ADK: variants seen among roughly 807,000 people sequenced by gnomAD.
ADK encodes N6,N6-dimethyladenosine kinase.
ADK carries 24 observed loss-of-function variants against 44.7 expected under a neutral mutation model. The ratio of observed to expected loss-of-function variants is 0.54; its 90% CI spans 0.39 to 0.76. The LOEUF is 0.76. ADK is among the 30% of genes least tolerant of loss of function. The pLI, the probability that ADK is intolerant of heterozygous loss-of-function variation, is 0.00. For missense variants in ADK, 321 were observed against 425.1 expected, an observed-to-expected ratio of 0.76 and a Z score of 2.15; for synonymous variants, 128 against 142.6, an observed-to-expected ratio of 0.90 and a Z score of 0.73.
chr10:74,425,136 A>G (rs867151916), intron 6 of ADK, among the ~76,000 whole-genome samples: 1 of 152,192 alleles, frequency 6.6e-6, no homozygotes, highest in Non-Finnish European at 1.5e-5. Flanking sequence ...GAATCTGCCA[A>G]AAGCCTGGGG....
chr10:74,586,500 A>C (rs1238818800), intron 7 of ADK, among the ~76,000 whole-genome samples: 1 of 152,168 alleles, frequency 6.6e-6, no homozygotes, highest in African/African-American at 2.4e-5. Context: ...ACATTTATAT[A>C]TGTGTCTTCT....
At chr10:74,303,516 T>C (rs1840131080) in intron 3 of ADK, among the ~76,000 whole-genome samples, 1 of 151,592 alleles carries the variant, frequency 6.6e-6, no homozygotes, top group Non-Finnish European at 1.5e-5. Context: ...TGGTTTTCTT[T>C]ATTTGTAGTA....
At chr10:74,530,128 C>T (rs946318552) in intron 7 of ADK, among the ~76,000 whole-genome samples, 2 of 151,922 alleles carry the variant, frequency 1.3e-5, no homozygotes, top group African/African-American at 2.4e-5. Flanking sequence ...AAAATTATAT[C>T]GTATTTGATT....
chr10:74,399,585 A>G (rs1164615248), intron 6 of ADK, among the ~76,000 whole-genome samples: 2 of 151,974 alleles, frequency 1.3e-5, no homozygotes, highest in Non-Finnish European at 2.9e-5. Context: ...AGTATGTGAG[A>G]AAAACATTTC....
At chr10:74,289,729 T>G (rs1847332401) in intron 3 of ADK, among the ~76,000 whole-genome samples, 2 of 152,092 alleles carry the variant, frequency 1.3e-5, no homozygotes, top group Admixed American at 1.3e-4. Context: ...TAAGAAAATT[T>G]CTCTCAGTTT....
At chr10:74,531,476 C>A (rs971633416) in intron 7 of ADK, among the ~76,000 whole-genome samples, 2 of 151,822 alleles carry the variant, frequency 1.3e-5, no homozygotes, top group Non-Finnish European at 2.9e-5. Flanking sequence ...TAGTTAAAAC[C>A]CTTGCTACAA....
intron 6 of ADK, among the ~76,000 whole-genome samples, chr10:74,409,062 A>C (rs1035548552): frequency 6.6e-6 from 1 of 152,214 alleles, no homozygotes; most frequent in African/African-American, 2.4e-5. Context: ...CTTAAAAATA[A>C]ATGTGAAAGC....
chr10:74,480,812 C>A (rs1302567093), intron 6 of ADK, among the ~76,000 whole-genome samples: 1 of 152,108 alleles, frequency 6.6e-6, no homozygotes, highest in Non-Finnish European at 1.5e-5. Flanking sequence ...TGCTTTTACA[C>A]CAGCAGCACA....
At chr10:74,673,994 G>C (rs1303164348) in intron 10 of ADK, among the ~76,000 whole-genome samples, 1 of 152,090 alleles carries the variant, frequency 6.6e-6, no homozygotes, top group Non-Finnish European at 1.5e-5. Flanking sequence ...TTCTTTCTCT[G>C]TTGGCTGAGC....
chr10:74,661,759 C>T (rs1358223030), intron 9 of ADK, among the ~76,000 whole-genome samples: 1 of 152,204 alleles, frequency 6.6e-6, no homozygotes, highest in Non-Finnish European at 1.5e-5. Flanking sequence ...AAAGCATCTC[C>T]AGTTAAACTA....
chr10:74,471,635 A>G (rs1301638096), intron 6 of ADK, among the ~76,000 whole-genome samples: 10 of 152,214 alleles, frequency 6.6e-5, no homozygotes, highest in Admixed American at 5.2e-4. Flanking sequence ...GTTCCAATCC[A>G]TGAACACAGG....
At chr10:74,475,261 T>G (rs75661936) in intron 6 of ADK, among the ~76,000 whole-genome samples, 7,210 of 152,276 alleles carry the variant, frequency 0.047, 595 homozygotes, top group African/African-American at 0.16. Flanking sequence ...ACTACTCAAA[T>G]TCGAGATTTA....
intron 10 of ADK, among the ~76,000 whole-genome samples, chr10:74,699,618 A>G (rs1856344834): frequency 6.6e-6 from 1 of 152,230 alleles, no homozygotes; most frequent in Admixed American, 6.5e-5. Flanking sequence ...CGGAGGTTGC[A>G]GTGAGCCAAG....
intron 2 of ADK, among the ~76,000 whole-genome samples, chr10:74,217,179 T>A (rs796257108): frequency 1.1e-4 from 16 of 152,350 alleles, no homozygotes; most frequent in African/African-American, 3.8e-4. Context: ...TACTGCACTT[T>A]TCCGACGGGC....
intron 2 of ADK, among the ~76,000 whole-genome samples, chr10:74,223,351 C>T (rs969030997): frequency 1.2e-4 from 18 of 152,128 alleles, no homozygotes; most frequent in Admixed American, 2.0e-4. Flanking sequence ...CTCTCATGAT[C>T]CAATTACTTC....
At chr10:74,462,711 T>C (rs1185271940) in intron 6 of ADK, among the ~76,000 whole-genome samples, 1 of 152,228 alleles carries the variant, frequency 6.6e-6, no homozygotes, top group Non-Finnish European at 1.5e-5. Flanking sequence ...TGAATTATTC[T>C]TGTTAACTAT....
At chr10:74,689,103 G>T (rs1418138459) in intron 10 of ADK, among the ~76,000 whole-genome samples, 3 of 151,914 alleles carry the variant, frequency 2.0e-5, no homozygotes, top group Non-Finnish European at 4.4e-5. Flanking sequence ...CAAAAAATTA[G>T]CTGGGCGTGG....
chr10:74,549,707 G>T (rs373953635), intron 7 of ADK, among the ~76,000 whole-genome samples: 7 of 152,184 alleles, frequency 4.6e-5, no homozygotes, highest in African/African-American at 1.7e-4. Flanking sequence ...AAGATCCTGG[G>T]ATTACAGGCA....
chr10:74,461,158 T>A (rs1167492425), intron 6 of ADK, among the ~76,000 whole-genome samples: 2 of 150,074 alleles, frequency 1.3e-5, no homozygotes, highest in Non-Finnish European at 2.9e-5. Context: ...TTTTTTTTTT[T>A]AAACAATGCC....
Sources: allele counts gnomAD v4.1 joint callset (sites outside exome capture counted in the v4.1 genomes callset), GRCh38; gene constraint gnomAD v4.1.1; transcripts MANE v1.5; gene names NCBI Gene and HGNC (gene_info 2026-07-23, HGNC 2026-07-21).